Variants in LRRC37A2 observed in about 807,000 individuals in gnomAD.
LRRC37A2 encodes leucine rich repeat containing 37 member A2.
Under a neutral mutation model 68.8 loss-of-function variants are expected in LRRC37A2, and 9 were observed. That is an observed-to-expected ratio of 0.13 (90% CI 0.08 to 0.23). The LOEUF (loss-of-function observed/expected upper bound fraction) is 0.23, where lower values mean the gene tolerates loss of function less well. Ranked by LOEUF, LRRC37A2 falls within the 10% of genes least tolerant of loss-of-function variation. The pLI is 1.00. For missense variants in LRRC37A2, 168 were observed against 950.4 expected (o/e 0.18, Z 10.82); for synonymous variants, 63 against 367.6 (o/e 0.17, Z 9.48).
the LRRC37A2 span, chr17:46,936,854 G>T: frequency 2.0e-6 from 2 of 982,800 alleles, no homozygotes; most frequent in African/African-American, 1.8e-5. Context: ...TCTGGCTGAG[G>T]CTTCTTAATT....
At chr17:47,027,637 C>A in the LRRC37A2 span, 18 of 1,102,908 alleles carry the variant, frequency 1.6e-5, no homozygotes, top group Admixed American at 3.5e-5. Context: ...ATGTAAGTTA[C>A]AAATATAACT....
At chr17:46,928,760 A>G in the LRRC37A2 span, among the ~76,000 whole-genome samples, 7 of 152,248 alleles carry the variant, frequency 4.6e-5, no homozygotes, top group Middle Eastern at 6.8e-3. Context: ...TTCCCTTTCA[A>G]GCAGCCCACC....
the LRRC37A2 span, chr17:46,979,030 C>G: frequency 1.4e-6 from 2 of 1,387,140 alleles, no homozygotes; most frequent in Non-Finnish European, 1.8e-6. Flanking sequence ...CCGGGGGTCT[C>G]GGCGCGCAGT....
At chr17:46,891,222 C>A in the LRRC37A2 span, among the ~76,000 whole-genome samples, 5 of 152,304 alleles carry the variant, frequency 3.3e-5, no homozygotes, top group East Asian at 1.9e-4. Context: ...TCATATTTAA[C>A]CTTTGTGTAG....
the LRRC37A2 span, among the ~76,000 whole-genome samples, chr17:46,877,570 C>G: frequency 6.6e-6 from 1 of 152,124 alleles, no homozygotes; most frequent in Admixed American, 6.5e-5. Flanking sequence ...TCCCTGCTGG[C>G]CAAAGGAATC....
At chr17:46,841,375 G>T in the LRRC37A2 span, among the ~76,000 whole-genome samples, 1 of 152,196 alleles carries the variant, frequency 6.6e-6, no homozygotes, top group Non-Finnish European at 1.5e-5. Flanking sequence ...GAGGCTTCCC[G>T]GTGGGAAGAA....
the LRRC37A2 span, among the ~76,000 whole-genome samples, chr17:46,802,352 G>T: frequency 6.6e-6 from 1 of 152,228 alleles, no homozygotes; most frequent in Non-Finnish European, 1.5e-5. Context: ...TGCAACCTCC[G>T]CCTCCTGGGT....
chr17:46,789,882 G>A, the LRRC37A2 span, among the ~76,000 whole-genome samples: 4 of 152,188 alleles, frequency 2.6e-5, no homozygotes, highest in African/African-American at 9.7e-5. Flanking sequence ...GGTGCTCAGG[G>A]CAACGATTCC....
the LRRC37A2 span, among the ~76,000 whole-genome samples, chr17:46,976,224 C>G: frequency 6.7e-6 from 1 of 150,122 alleles, no homozygotes; most frequent in South Asian, 2.1e-4. Flanking sequence ...CCACGCCTGG[C>G]GATAAAAGTT....
At chr17:46,499,132 T>G in the LRRC37A2 span, among the ~76,000 whole-genome samples, 2 of 145,008 alleles carry the variant, frequency 1.4e-5, no homozygotes, top group Non-Finnish European at 3.0e-5. Context: ...CTGGCCAACA[T>G]GGTGAGACCC....
At chr17:47,025,493 T>A in the LRRC37A2 span, among the ~76,000 whole-genome samples, 17,386 of 152,190 alleles carry the variant, frequency 0.11, 1,099 homozygotes, top group South Asian at 0.22. Flanking sequence ...GTTATATTAA[T>A]ACAGATGTTT....
At chr17:46,744,621 G>GA in the LRRC37A2 span, among the ~76,000 whole-genome samples, 22,493 of 147,614 alleles carry the variant, frequency 0.15, 1,940 homozygotes, top group Non-Finnish European at 0.21. Context: ...TTTATTTAGG[G>GA]AAAAAAAAAA....
At chr17:46,421,155 T>G in the LRRC37A2 span, among the ~76,000 whole-genome samples, 1 of 69,190 alleles carries the variant, frequency 1.4e-5, no homozygotes, top group Non-Finnish European at 4.1e-5. Context: ...GCCAGGCTGG[T>G]CCTGACCTCA....
the LRRC37A2 span, among the ~76,000 whole-genome samples, chr17:46,994,251 G>T: frequency 6.6e-6 from 1 of 151,926 alleles, no homozygotes; most frequent in East Asian, 1.9e-4. Context: ...CAGGTGTGGT[G>T]GGGGGCGCCT....
the LRRC37A2 span, among the ~76,000 whole-genome samples, chr17:47,012,014 C>G: frequency 7.2e-5 from 11 of 152,238 alleles, no homozygotes; most frequent in East Asian, 2.1e-3. Flanking sequence ...CCTATAAGAT[C>G]GTGGACATAT....
chr17:46,806,934 G>A, the LRRC37A2 span, among the ~76,000 whole-genome samples: 1 of 152,186 alleles, frequency 6.6e-6, no homozygotes, highest in Admixed American at 6.5e-5. Flanking sequence ...GTGCTACCTG[G>A]GCACTCCGTC....
the LRRC37A2 span, among the ~76,000 whole-genome samples, chr17:46,745,081 C>T: frequency 6.6e-6 from 1 of 151,846 alleles, no homozygotes; most frequent in African/African-American, 2.4e-5. Context: ...TGTTTGGGCA[C>T]TGTGGACATT....
chr17:46,815,944 G>A, the LRRC37A2 span, among the ~76,000 whole-genome samples: 1 of 152,118 alleles, frequency 6.6e-6, no homozygotes, highest in South Asian at 2.1e-4. Flanking sequence ...CAGCACCTGG[G>A]GACAGGATCA....
the LRRC37A2 span, among the ~76,000 whole-genome samples, chr17:46,829,587 G>A: frequency 2.2e-3 from 329 of 152,292 alleles, 1 homozygote; most frequent in African/African-American, 7.6e-3. Context: ...TGTGTTTCGG[G>A]GATGGAGGGG....
Sources: gnomAD v4.1 joint callset for allele counts (sites outside exome capture counted in the v4.1 genomes callset) on GRCh38, gnomAD v4.1.1 for gene constraint, MANE v1.5 for transcripts, NCBI Gene and HGNC (gene_info 2026-07-23, HGNC 2026-07-21) for gene names.